TNIK: variants seen among roughly 807,000 people sequenced by gnomAD.
The protein encoded by TNIK is TRAF2 and NCK interacting kinase, also known as TRAF2 and NCK-interacting protein kinase.
A neutral mutation model predicts 191.3 loss-of-function variants in TNIK; 49 were observed. That is an observed-to-expected ratio of 0.26 (90% CI 0.20 to 0.32). The LOEUF (loss-of-function observed/expected upper bound fraction) is 0.32, where lower values mean the gene tolerates loss of function less well. Among genes scored for constraint, TNIK ranks in the 10% least tolerant of loss-of-function variants. The pLI, the probability that TNIK is intolerant of heterozygous loss-of-function variation, is 1.00. For missense variants in TNIK, 1,155 were observed against 1,702.3 expected, an observed-to-expected ratio of 0.68 and a Z score of 5.66; for synonymous variants, 594 against 600.9, an observed-to-expected ratio of 0.99 and a Z score of 0.17.
chr3:171,295,070 C>T (rs1212434841), intron 2 of TNIK, among the ~76,000 whole-genome samples: 3 of 151,768 alleles, frequency 2.0e-5, no homozygotes, highest in Non-Finnish European at 4.4e-5. Flanking sequence ...TTTGATGGGC[C>T]AGGCTTAGAA....
Position 171,110,884 on chromosome 3 carries a change from G to A in TNIK, c.2121-7C>T. On this transcript the variant is annotated splice_polypyrimidine_tract_variant and splice_region_variant and intron_variant, in intron 18 of 32. Coordinates refer to ENST00000436636, the MANE Select transcript of TNIK (RefSeq NM_015028.4). ...TCTCCGGAGATCAGGGTTGCTGTGT[G>A]AGTGACAGAGCACACTGGTTACACT... 1 of 1,595,574 alleles carries A rather than the reference G, an allele frequency of 6.3e-7. No homozygotes were observed. The highest frequency in any genetic ancestry group is 8.5e-7 in the Non-Finnish European group (1 of 1,171,626).
At position 171,061,033 on chromosome 3, in the gene TNIK, G is replaced by A. The variant is rs1305438613; in HGVS notation, c.*2848C>T. The stretch of plus-strand genomic sequence containing the variant: ...CAGAACTGAAGATTTTTTTTGTTGA[G>A]ATGCTATAAAAATGGATGAAAAGCA... On this transcript the variant is annotated 3_prime_UTR_variant, in exon 33 of 33. Transcript: ENST00000436636. Among the ~76,000 whole-genome samples the A allele has an allele frequency of 6.6e-6, 1 of 151,854 alleles. No individual in the cohort carries two copies. The highest frequency in any genetic ancestry group is 1.5e-5 in the Non-Finnish European group (1 of 67,950).
intron 2 of TNIK, among the ~76,000 whole-genome samples, chr3:171,275,851 C>T (rs904960064): frequency 6.6e-6 from 1 of 151,856 alleles, no homozygotes; most frequent in Non-Finnish European, 1.5e-5. Flanking sequence ...GAGCCGAGAT[C>T]GTGCCACTGC....
At chr3:171,367,810 T>C (rs1462198189) in intron 2 of TNIK, among the ~76,000 whole-genome samples, 1 of 152,162 alleles carries the variant, frequency 6.6e-6, no homozygotes, top group African/African-American at 2.4e-5. Context: ...ATTTGACTAA[T>C]ACACAGAAAA....
intron 1 of TNIK, among the ~76,000 whole-genome samples, chr3:171,398,594 T>G (rs954334878): frequency 1.3e-5 from 2 of 152,182 alleles, no homozygotes; most frequent in African/African-American, 2.4e-5. Flanking sequence ...CCTTCTACTA[T>G]GTACCAAATC....
intron 10 of TNIK, among the ~76,000 whole-genome samples, chr3:171,163,610 G>A (rs1734269428): frequency 6.6e-6 from 1 of 152,054 alleles, no homozygotes; most frequent in Non-Finnish European, 1.5e-5. Context: ...CCTGCATAAA[G>A]CATTTTAATA....
intron 1 of TNIK, among the ~76,000 whole-genome samples, chr3:171,457,836 CCACAAAG>C (rs1252061902): frequency 6.6e-6 from 1 of 152,212 alleles, no homozygotes; most frequent in Non-Finnish European, 1.5e-5. Context: ...ATAGCCCAGG[CCACAAAG>C]AGCAATTTCA....
chr3:171,322,895 C>G (rs1427558677), intron 2 of TNIK, among the ~76,000 whole-genome samples: 1 of 146,956 alleles, frequency 6.8e-6, no homozygotes, highest in South Asian at 2.2e-4. Flanking sequence ...TGGTTCAAAT[C>G]AGATCCACTA....
At chr3:171,247,270 ATT>A (rs1261451082) in intron 2 of TNIK, among the ~76,000 whole-genome samples, 1 of 152,202 alleles carries the variant, frequency 6.6e-6, no homozygotes, top group Non-Finnish European at 1.5e-5. Context: ...CTCTACCAAG[ATT>A]TGGAGATGAT....
chr3:171,165,970 C>G (rs56102430), intron 10 of TNIK, among the ~76,000 whole-genome samples: 2 of 152,100 alleles, frequency 1.3e-5, no homozygotes, highest in African/African-American at 4.8e-5. Flanking sequence ...TTGGTCATGG[C>G]GCAGTCAATA....
chr3:171,139,457 G>C lies in TNIK; in HGVS notation c.1419+13C>G. On this transcript the variant is annotated intron_variant, in intron 14 of 32. Transcript: ENST00000436636. ...CACAGAGCAGGTCAGCTGGTTCTTG[G>C]CTTTCTCATTACCAGAAGTAGAGCT... The C allele has an allele frequency of 1.2e-6, 2 of 1,608,522 alleles. No individual in the cohort carries two copies. The highest frequency in any genetic ancestry group is 1.1e-5 in the South Asian group (1 of 90,958).
chr3:171,213,291 A>T (rs1741067453), intron 3 of TNIK, among the ~76,000 whole-genome samples: 7 of 152,112 alleles, frequency 4.6e-5, no homozygotes, highest in Admixed American at 4.6e-4. Flanking sequence ...GGGGAAGCCT[A>T]AATAGAAAGG....
chr3:171,297,516 C>G (rs1752433833), intron 2 of TNIK, among the ~76,000 whole-genome samples: 1 of 152,160 alleles, frequency 6.6e-6, no homozygotes, highest in East Asian at 1.9e-4. Flanking sequence ...CAAAATTGTA[C>G]AGATTGGGGA....
chr3:171,261,823 C>A (rs1232764083), intron 2 of TNIK, among the ~76,000 whole-genome samples: 1 of 152,016 alleles, frequency 6.6e-6, no homozygotes, highest in Non-Finnish European at 1.5e-5. Flanking sequence ...GTGTGTTATT[C>A]AGAGAATCAA....
chr3:171,107,082 GC>G (rs1725019667), intron 21 of TNIK, 100 bp downstream of exon 21: 2 of 1,248,938 alleles, frequency 1.6e-6, no homozygotes, highest in African/African-American at 3.1e-5. Context: ...TCTCCTCCCA[GC>G]TGATTGCTCC....
chr3:171,110,841 C>T lies in TNIK; in HGVS notation c.2157G>A (p.Glu719=), dbSNP rs756865087. ...CACTGCTGGTCCTCTGCAAGGGGCTCTCCAAGATGGGCTCAGTTCTCCGGA... is the reference window on the plus strand; with the variant it reads ...CACTGCTGGTCCTCTGCAAGGGGCTTTCCAAGATGGGCTCAGTTCTCCGGA... ...PDLRRTEPIL[E]SPLQRTSSGS... Residue 719 remains glutamate (E), a synonymous_variant, in exon 19 of 33, where the codon GAG becomes GAA. Coordinates refer to ENST00000436636, the MANE Select transcript of TNIK (RefSeq NM_015028.4). 1.2e-6 allele frequency: 2 copies of T among 1,605,214 alleles called. No homozygotes were observed. Among genetic ancestry groups the T allele is most frequent in the South Asian group, 1.1e-5 (1 of 88,464 alleles).
intron 2 of TNIK, among the ~76,000 whole-genome samples, chr3:171,361,669 G>A (rs1714994900): frequency 6.6e-6 from 1 of 152,050 alleles, no homozygotes; most frequent in Non-Finnish European, 1.5e-5. Context: ...TAAAGCCTGA[G>A]GATGAAGAAG....
rs574352465 is a variant in TNIK, at chr3:171,265,928, C to T, written c.124-37707G>A. ...TCTGCAGTTGGCTGTTCAGTTATCC[C>T]ATGGCTCCTGGGGTCCCCAGACATA... is the stretch of plus-strand genomic sequence containing the variant. On this transcript the variant is annotated intron_variant, in intron 2 of 32. Coordinates refer to ENST00000436636, the MANE Select transcript of TNIK (RefSeq NM_015028.4). Among the ~76,000 whole-genome samples the T allele has an allele frequency of 9.2e-5, 14 of 152,270 alleles. No individual in the cohort carries two copies. The South Asian group carries it at 1.5e-3, about 16-fold the overall frequency.
In TNIK at chr3:171,108,169, G is replaced by A; in HGVS notation, c.2285-7C>T. The A allele has an allele frequency of 1.3e-6, 2 of 1,526,558 alleles. No homozygotes were observed. The highest frequency in any genetic ancestry group is 1.3e-5 in the South Asian group (1 of 78,782). The allele number at this position is 1,526,558 out of a possible 1,614,324, so 94.6% of individuals were successfully genotyped here. A position where few individuals can be genotyped will look rare whatever the true frequency, so the allele number is the denominator to read the frequency against. On this transcript the variant is annotated splice_region_variant and splice_polypyrimidine_tract_variant and intron_variant, in intron 19 of 32. Coordinates refer to ENST00000436636, the MANE Select transcript of TNIK (RefSeq NM_015028.4). ...CCTTCTGACTTACTGTTGGCTAGAGGAAAAAAACAGAGGACCAAGAAAGAG... is the reference window on the plus strand; with the variant it reads ...CCTTCTGACTTACTGTTGGCTAGAGAAAAAAAACAGAGGACCAAGAAAGAG...
Sources: gnomAD v4.1 joint callset for allele counts (sites outside exome capture counted in the v4.1 genomes callset) on GRCh38, gnomAD v4.1.1 for gene constraint, MANE v1.5 for transcripts, NCBI Gene and HGNC (gene_info 2026-07-23, HGNC 2026-07-21) for gene names.